The following RBMS1 variants were observed in gnomAD, a reference collection of about 807,000 sequenced individuals.
RBMS1 encodes RNA binding motif single stranded interacting protein 1.
In RBMS1, 17 loss-of-function variants were observed where a neutral mutation model predicts 62.3. The ratio of observed to expected loss-of-function variants is 0.27; its 90% CI spans 0.19 to 0.41. The LOEUF (loss-of-function observed/expected upper bound fraction) is 0.41, where lower values mean the gene tolerates loss of function less well. RBMS1 is among the 10% of genes least tolerant of loss of function. RBMS1 has a pLI of 1.00. For synonymous variants in RBMS1, 172 were observed against 170.0 expected (o/e 1.01, Z -0.09); for missense variants, 334 against 504.5 (o/e 0.66, Z 3.24).
chr2:160,361,546 T>C (rs767194406), intron 2 of RBMS1, among the ~76,000 whole-genome samples: 14 of 152,192 alleles, frequency 9.2e-5, no homozygotes, highest in Admixed American at 2.0e-4. Context: ...ATAAAACAAG[T>C]CAAACGAATT....
chr2:160,279,778 T>C (rs982511493), intron 10 of RBMS1: 1 of 152,156 alleles, frequency 6.6e-6, no homozygotes, highest in Non-Finnish European at 1.5e-5. Flanking sequence ...AGGACAGAGT[T>C]AGGTGTACAG....
At position 160,281,322 on chromosome 2, in the gene RBMS1, G is replaced by T; in HGVS notation, c.943C>A (p.Gln315Lys). 3 of 1,607,576 alleles carry T rather than the reference G, an allele frequency of 1.9e-6. No individual in the cohort carries two copies. The highest frequency in any genetic ancestry group is 2.6e-6 in the Non-Finnish European group (3 of 1,175,898). Residue 315 changes from glutamine to lysine, a missense_variant, in exon 10 of 14, where the codon CAG (glutamine) becomes AAG (lysine). Physicochemically the swap from Gln to Lys is moderately conservative, Grantham distance 53. Coordinates refer to ENST00000348849, the MANE Select transcript of RBMS1 (RefSeq NM_016836.4). ...SWMQPQPYIL[Q>K]HPGAVLTPSM... ...TAAGATAAAAAACTTACAGGGTGCT[G>T]TAGAATATATGGTTGAGGTTGCATC...
At chr2:160,408,126 C>T (rs1695865430) in intron 1 of RBMS1, among the ~76,000 whole-genome samples, 1 of 151,796 alleles carries the variant, frequency 6.6e-6, no homozygotes, top group Non-Finnish European at 1.5e-5. Context: ...GTCTGGCTCC[C>T]CGCATGCCGC....
chr2:160,303,933 G>T (rs1290117534), intron 4 of RBMS1, among the ~76,000 whole-genome samples: 2 of 152,082 alleles, frequency 1.3e-5, no homozygotes, highest in Non-Finnish European at 2.9e-5. Flanking sequence ...ATCCAATAGG[G>T]ATCTGCCTAA....
intron 1 of RBMS1, among the ~76,000 whole-genome samples, chr2:160,466,269 A>G (rs529350579): frequency 1.3e-5 from 2 of 152,246 alleles, no homozygotes; most frequent in East Asian, 1.9e-4. Context: ...TCATTCTTTT[A>G]TGGCATTAAA....
chr2:160,428,387 T>C (rs1169868459), intron 1 of RBMS1, among the ~76,000 whole-genome samples: 1 of 152,202 alleles, frequency 6.6e-6, no homozygotes, highest in Non-Finnish European at 1.5e-5. Flanking sequence ...TCTAACTTTT[T>C]ATTGGCTGGA....
At chr2:160,314,779 T>C (rs937703747) in intron 3 of RBMS1, among the ~76,000 whole-genome samples, 1 of 152,048 alleles carries the variant, frequency 6.6e-6, no homozygotes, top group Non-Finnish European at 1.5e-5. Context: ...AAGGAAGAGG[T>C]TGATCTAGGT....
intron 1 of RBMS1, among the ~76,000 whole-genome samples, chr2:160,453,927 C>T (rs1684102477): frequency 6.6e-6 from 1 of 152,178 alleles, no homozygotes; most frequent in African/African-American, 2.4e-5. Context: ...CAGCCTTCTC[C>T]AGCTAACAAA....
chr2:160,290,337 G>A (rs1445717767), intron 6 of RBMS1, among the ~76,000 whole-genome samples: 1 of 151,792 alleles, frequency 6.6e-6, no homozygotes, highest in East Asian at 2.0e-4. Flanking sequence ...TGAGTGATAT[G>A]TAAGTTTGGC....
intron 12 of RBMS1, chr2:160,276,637 C>T (rs1687849136): frequency 6.6e-6 from 1 of 152,224 alleles, no homozygotes; most frequent in South Asian, 2.1e-4. Flanking sequence ...TCTAGCCATA[C>T]TAACAGCCTC....
intron 1 of RBMS1, among the ~76,000 whole-genome samples, chr2:160,440,290 C>T (rs1683359170): frequency 6.6e-6 from 1 of 152,118 alleles, no homozygotes; most frequent in Non-Finnish European, 1.5e-5. Context: ...CATCTCCTAT[C>T]TGAGGCAGGA....
intron 2 of RBMS1, among the ~76,000 whole-genome samples, chr2:160,357,491 T>C (rs1692865870): frequency 6.6e-6 from 1 of 152,152 alleles, no homozygotes; most frequent in Admixed American, 6.6e-5. Context: ...TAGACATAAC[T>C]GAGATTTTCT....
At chr2:160,410,515 C>T (rs948776998) in intron 1 of RBMS1, among the ~76,000 whole-genome samples, 1 of 151,828 alleles carries the variant, frequency 6.6e-6, no homozygotes, top group East Asian at 1.9e-4. Flanking sequence ...GAAAAAAAAA[C>T]ATAACTATGA....
chr2:160,287,399 C>T (rs1459085452), intron 6 of RBMS1, among the ~76,000 whole-genome samples: 1 of 152,138 alleles, frequency 6.6e-6, no homozygotes, highest in African/African-American at 2.4e-5. Context: ...ACCTCTGGAC[C>T]GTCACCAAAA....
intron 2 of RBMS1, among the ~76,000 whole-genome samples, chr2:160,341,683 T>C (rs1311377625): frequency 6.6e-6 from 1 of 152,184 alleles, no homozygotes; most frequent in Non-Finnish European, 1.5e-5. Flanking sequence ...TGTTCATAAA[T>C]AGGGAGGCAA....
At chr2:160,456,560 TC>T (rs1352750087) in intron 1 of RBMS1, among the ~76,000 whole-genome samples, 1 of 152,222 alleles carries the variant, frequency 6.6e-6, no homozygotes, top group Non-Finnish European at 1.5e-5. Flanking sequence ...AATTTAAAGT[TC>T]CCTTAATAAT....
At chr2:160,363,719 A>G (rs1376085119) in intron 2 of RBMS1, among the ~76,000 whole-genome samples, 1 of 152,338 alleles carries the variant, frequency 6.6e-6, no homozygotes, top group East Asian at 1.9e-4. Context: ...GTGTTGAGAG[A>G]AAGGATATTT....
At chr2:160,372,123 T>C (rs918092381) in intron 1 of RBMS1, among the ~76,000 whole-genome samples, 8 of 152,286 alleles carry the variant, frequency 5.3e-5, no homozygotes, top group African/African-American at 1.9e-4. Context: ...TCCTTCCTAT[T>C]ACTAATAGGC....
In RBMS1 at chr2:160,303,600, A is replaced by C; in HGVS notation, c.403-113T>G. 7 of 1,129,280 alleles carry C rather than the reference A, an allele frequency of 6.2e-6. 1 individual carries two copies. The highest frequency in any genetic ancestry group is 5.0e-6 in the Non-Finnish European group (4 of 793,186). 70.0% of individuals were successfully genotyped at this position (1,129,280 alleles called of 1,614,324 possible). A position where few individuals can be genotyped will look rare whatever the true frequency, so the allele number is the denominator to read the frequency against. On this transcript the variant is annotated intron_variant, in intron 4 of 13. Coordinates refer to ENST00000348849, the MANE Select transcript of RBMS1 (RefSeq NM_016836.4). ...TTGCTCAAGTCCTTTTAAAGTACTC[A>C]GAACCTCAGAACACCAAAGTCACCC...
Sources: allele counts gnomAD v4.1 joint callset (sites outside exome capture counted in the v4.1 genomes callset), GRCh38; gene constraint gnomAD v4.1.1; transcripts MANE v1.5; gene names NCBI Gene and HGNC (gene_info 2026-07-23, HGNC 2026-07-21).